The following KCNS3 variants were observed in gnomAD, a reference collection of about 807,000 sequenced individuals.
KCNS3 encodes the protein potassium voltage-gated channel modifier subfamily S member 3.
Under a neutral mutation model 31.0 loss-of-function variants are expected in KCNS3, and 13 were observed. That is an observed-to-expected ratio of 0.42 (90% CI 0.27 to 0.67). KCNS3 has a LOEUF of 0.67. Among genes scored for constraint, KCNS3 ranks in the 30% least tolerant of loss-of-function variants. KCNS3 has a pLI of 0.25. For synonymous variants in KCNS3, 238 were observed against 241.5 expected (o/e 0.99, Z 0.13); for missense variants, 545 against 622.4 (o/e 0.88, Z 1.32).
chr2:17,921,403 A>T (rs777041431), intron 2 of KCNS3, among the ~76,000 whole-genome samples: 2 of 152,166 alleles, frequency 1.3e-5, no homozygotes. Flanking sequence ...TTTCCAAAAG[A>T]TAAGGGTTTT....
chr2:17,881,091 G>A (rs575393845), intron 1 of KCNS3, among the ~76,000 whole-genome samples: 7 of 152,154 alleles, frequency 4.6e-5, no homozygotes, highest in Non-Finnish European at 1.0e-4. Context: ...CATAACAACT[G>A]CATGAGGATG....
chr2:17,924,846 A>G (rs4832521), intron 2 of KCNS3, among the ~76,000 whole-genome samples: 34,785 of 151,988 alleles, frequency 0.23, 4,612 homozygotes, highest in East Asian at 0.48. Context: ...GTATTAGGAG[A>G]ATACTAGCTT....
At chr2:17,919,788 C>T (rs557317178) in intron 2 of KCNS3, among the ~76,000 whole-genome samples, 1 of 152,262 alleles carries the variant, frequency 6.6e-6, no homozygotes, top group South Asian at 2.1e-4. Flanking sequence ...GCAAGCCTTC[C>T]TCAGTGGACT....
At chr2:17,905,490 A>T (rs1182698463) in intron 1 of KCNS3, among the ~76,000 whole-genome samples, 2 of 152,206 alleles carry the variant, frequency 1.3e-5, no homozygotes, top group Non-Finnish European at 2.9e-5. Context: ...AGAATTTCCA[A>T]CACTATGTTG....
At chr2:17,882,714 C>T (rs1204172405) in intron 1 of KCNS3, among the ~76,000 whole-genome samples, 1 of 152,130 alleles carries the variant, frequency 6.6e-6, no homozygotes, top group Non-Finnish European at 1.5e-5. Flanking sequence ...TTTGTGAAGC[C>T]TGGAGTGAAT....
chr2:17,913,315 C>T (rs376638110), intron 1 of KCNS3, among the ~76,000 whole-genome samples: 253 of 152,318 alleles, frequency 1.7e-3, no homozygotes, highest in African/African-American at 5.8e-3. Flanking sequence ...TTTCCAGGGA[C>T]ACCAATTAGT....
Position 17,932,239 on chromosome 2 carries a change from A to G in KCNS3, c.1231A>G (p.Lys411Glu). The G allele has an allele frequency of 6.2e-7, 1 of 1,613,954 alleles. No homozygotes were observed. Among genetic ancestry groups the G allele is most frequent in the African/African-American group, 1.3e-5 (1 of 74,976 alleles). ...CACCATCATCTTCAACAAGTTTTCC[A>G]AGTACTACCAGAAGCAAAAGGACAT... ...PITIIFNKFS[K>E]YYQKQKDIDV... Residue 411 changes from lysine (K) to glutamate (E), a missense_variant, in exon 3 of 3, where the codon AAG becomes GAG. By Grantham distance (56) the Lys-to-Glu change is moderately conservative (BLOSUM62 1). Transcript: ENST00000304101.
intron 1 of KCNS3, among the ~76,000 whole-genome samples, chr2:17,888,663 ATATATAT>A (rs1661763169): frequency 7.2e-6 from 1 of 138,738 alleles, no homozygotes; most frequent in African/African-American, 2.6e-5. Context: ...ATATATATAT[ATATATAT>A]ATAAAGAAAA....
At chr2:17,895,375 TC>T (rs1250833007) in intron 1 of KCNS3, among the ~76,000 whole-genome samples, 1 of 152,136 alleles carries the variant, frequency 6.6e-6, no homozygotes, top group Non-Finnish European at 1.5e-5. Flanking sequence ...TTTTCTAAAA[TC>T]CTTTGGAAAT....
intron 1 of KCNS3, among the ~76,000 whole-genome samples, chr2:17,899,175 G>A (rs1036040194): frequency 5.3e-5 from 8 of 151,612 alleles, no homozygotes; most frequent in African/African-American, 1.2e-4. Flanking sequence ...TCAGTGAGCC[G>A]AGATCCCACC....
chr2:17,883,114 A>C (rs1382766561), intron 1 of KCNS3, among the ~76,000 whole-genome samples: 1 of 152,212 alleles, frequency 6.6e-6, no homozygotes, highest in African/African-American at 2.4e-5. Flanking sequence ...ATAATGTTAC[A>C]GTTAAGCAGT....
chr2:17,913,486 A>C (rs1662519225), intron 1 of KCNS3, among the ~76,000 whole-genome samples: 1 of 152,276 alleles, frequency 6.6e-6, no homozygotes, highest in Admixed American at 6.5e-5. Context: ...AGACAGACTC[A>C]CTAACCTTTA....
chr2:17,883,183 C>A (rs963173614), intron 1 of KCNS3, among the ~76,000 whole-genome samples: 1 of 152,198 alleles, frequency 6.6e-6, no homozygotes, highest in East Asian at 1.9e-4. Context: ...AATGAAGTAT[C>A]TTGCTGAGTA....
intron 1 of KCNS3, among the ~76,000 whole-genome samples, chr2:17,887,484 G>GATCTATCTATCTATCTATCCATCC (rs149585478): frequency 4.1e-5 from 6 of 146,242 alleles, no homozygotes; most frequent in East Asian, 2.0e-4. Flanking sequence ...TCTATCATAT[G>GATCTATCTATCTATCTATCCATCC]ATCTATCTAT....
At chr2:17,887,021 G>A (rs541982803) in intron 1 of KCNS3, among the ~76,000 whole-genome samples, 1 of 152,136 alleles carries the variant, frequency 6.6e-6, no homozygotes, top group African/African-American at 2.4e-5. Flanking sequence ...GATGAGAACC[G>A]AATTTTCTTC....
intron 1 of KCNS3, among the ~76,000 whole-genome samples, chr2:17,902,518 G>GT (rs1360423399): frequency 2.0e-5 from 3 of 152,126 alleles, no homozygotes; most frequent in African/African-American, 7.2e-5. Context: ...AAAACTGGTG[G>GT]TTTTTATGAA....
intron 1 of KCNS3, among the ~76,000 whole-genome samples, chr2:17,911,680 C>G (rs952871453): frequency 6.6e-6 from 1 of 152,138 alleles, no homozygotes; most frequent in African/African-American, 2.4e-5. Flanking sequence ...TAGGATCATG[C>G]TATATATTGC....
chr2:17,897,491 C>T (rs2125238049), intron 1 of KCNS3, among the ~76,000 whole-genome samples: 1 of 152,312 alleles, frequency 6.6e-6, no homozygotes, highest in East Asian at 1.9e-4. Flanking sequence ...GCTGAACTAA[C>T]TTAAATTCCC....
At chr2:17,885,040 G>A (rs1341976514) in intron 1 of KCNS3, among the ~76,000 whole-genome samples, 4 of 150,864 alleles carry the variant, frequency 2.7e-5, no homozygotes, top group Non-Finnish European at 4.4e-5. Flanking sequence ...GTTAATGTGG[G>A]TTATTTTTTA....
Sources: gnomAD v4.1 joint callset for allele counts (sites outside exome capture counted in the v4.1 genomes callset) on GRCh38, gnomAD v4.1.1 for gene constraint, MANE v1.5 for transcripts, NCBI Gene and HGNC (gene_info 2026-07-23, HGNC 2026-07-21) for gene names.